Variants in PI4K2B observed in about 807,000 individuals in gnomAD.
PI4K2B encodes phosphatidylinositol 4-kinase type 2-beta.
Under a neutral mutation model 56.6 loss-of-function variants are expected in PI4K2B, and 46 were observed. The observed-to-expected ratio is 0.81, with a 90% CI of 0.64 to 1.04. PI4K2B has a LOEUF of 1.04. PI4K2B is among the 50% of genes least tolerant of loss of function. The pLI is 0.00. For missense variants in PI4K2B, 556 were observed against 607.7 expected, an observed-to-expected ratio of 0.91 and a Z score of 0.89; for synonymous variants, 211 against 223.8, an observed-to-expected ratio of 0.94 and a Z score of 0.51.
rs545459163 is a variant in PI4K2B, at chr4:25,241,081, A to G, written c.268+6650A>G. On this transcript the variant is annotated intron_variant, in intron 1 of 9. Transcript: ENST00000264864. ...TTTTTGCACTGCATGCAATAACTCT[A>G]TAATTTCCTTGTGGTATTTAGTGGG... 7.2e-5 allele frequency among the ~76,000 whole-genome samples: 11 copies of G among 152,356 alleles called. No homozygotes were observed. The South Asian group carries it at 2.3e-3, about 32-fold the overall frequency.
intron 1 of PI4K2B, among the ~76,000 whole-genome samples, chr4:25,239,552 A>G (rs13106585): frequency 0.028 from 1,702 of 61,326 alleles, 67 homozygotes; most frequent in East Asian, 0.2. Flanking sequence ...GCCCATGCCC[A>G]CCCGGAACTC....
chr4:25,236,882 A>G (rs1715283742), intron 1 of PI4K2B, among the ~76,000 whole-genome samples: 1 of 152,244 alleles, frequency 6.6e-6, no homozygotes. Flanking sequence ...TTTAAAGACT[A>G]AAATGTTCAT....
intron 9 of PI4K2B, among the ~76,000 whole-genome samples, chr4:25,274,995 G>A (rs537731872): frequency 5.3e-5 from 8 of 151,916 alleles, no homozygotes; most frequent in African/African-American, 1.9e-4. Context: ...GTAGAGATGG[G>A]GTTTCATCAT....
At chr4:25,234,495 G>T in intron 1 of PI4K2B, 64 bp downstream of exon 1, 3 of 1,133,502 alleles carry the variant, frequency 2.6e-6, no homozygotes, top group Non-Finnish European at 3.3e-6. Flanking sequence ...CGCCCGGCTC[G>T]GTCCTGTCTC....
chr4:25,258,618 AAG>A (rs1716345952), intron 4 of PI4K2B: 1 of 207,788 alleles, frequency 4.8e-6, no homozygotes, highest in Non-Finnish European at 8.4e-6. Context: ...ATGTCATAAA[AAG>A]AATCTGGAAA....
At chr4:25,236,257 A>G (rs910231229) in intron 1 of PI4K2B, among the ~76,000 whole-genome samples, 6 of 127,734 alleles carry the variant, frequency 4.7e-5, no homozygotes, top group African/African-American at 1.8e-4. Context: ...AAATAAATAA[A>G]TTTTATTCTC....
At chr4:25,271,477 G>A (rs979316952) in intron 9 of PI4K2B, among the ~76,000 whole-genome samples, 4 of 152,144 alleles carry the variant, frequency 2.6e-5, no homozygotes, top group African/African-American at 9.7e-5. Flanking sequence ...GGACAGTAGG[G>A]TACAGATTTG....
chr4:25,237,342 GTTTT>G (rs36107923), intron 1 of PI4K2B, among the ~76,000 whole-genome samples: 1 of 144,628 alleles, frequency 6.9e-6, no homozygotes, highest in Non-Finnish European at 1.5e-5. Context: ...TACTATTTTT[GTTTT>G]TTTTTTTTGT....
intron 9 of PI4K2B, among the ~76,000 whole-genome samples, chr4:25,272,886 A>C (rs1006649637): frequency 6.6e-6 from 1 of 152,044 alleles, no homozygotes; most frequent in East Asian, 1.9e-4. Context: ...AAATTTACCT[A>C]TATTCCAAAC....
chr4:25,240,825 C>T (rs1715485740), intron 1 of PI4K2B, among the ~76,000 whole-genome samples: 1 of 152,244 alleles, frequency 6.6e-6, no homozygotes, highest in Admixed American at 6.5e-5. Flanking sequence ...CTGACTCCTT[C>T]TCTTTGTCAC....
In PI4K2B at chr4:25,277,397, T is replaced by G. The variant is rs1018939782; in HGVS notation, c.*210T>G. On this transcript the variant is annotated 3_prime_UTR_variant, in exon 10 of 10. Coordinates refer to ENST00000264864, the MANE Select transcript of PI4K2B (RefSeq NM_018323.4). ...GGAAGAAGTGCTATATCTCCTATAT[T>G]GTATTTTTGTAGAAAATTTGTATTT... The G allele has an allele frequency of 9.9e-6, 4 of 405,162 alleles. No individual in the cohort carries two copies. Among genetic ancestry groups the G allele is most frequent in the Middle Eastern group, 6.8e-4 (1 of 1,460 alleles). 25.1% of individuals were successfully genotyped at this position (405,162 alleles called of 1,614,324 possible).
intron 9 of PI4K2B, 45 bp from the exon 10 acceptor site, chr4:25,276,969 C>A: frequency 1.4e-6 from 2 of 1,461,946 alleles, no homozygotes; most frequent in Non-Finnish European, 1.8e-6. Context: ...TGAAGTGAAG[C>A]TTTTTATCTT....
chr4:25,275,447 C>T (rs951978001), intron 9 of PI4K2B, among the ~76,000 whole-genome samples: 2 of 151,950 alleles, frequency 1.3e-5, no homozygotes, highest in Admixed American at 6.6e-5. Context: ...GTGGATCTCT[C>T]GAGCCTAGGA....
chr4:25,237,710 C>T (rs1036473597), intron 1 of PI4K2B, among the ~76,000 whole-genome samples: 3 of 152,138 alleles, frequency 2.0e-5, no homozygotes, highest in South Asian at 2.1e-4. Context: ...TGGTGGCTTA[C>T]GCCTGTAATC....
intron 1 of PI4K2B, among the ~76,000 whole-genome samples, chr4:25,249,930 A>G (rs939284716): frequency 6.6e-6 from 1 of 152,160 alleles, no homozygotes; most frequent in Non-Finnish European, 1.5e-5. Context: ...CCTGGGCAAC[A>G]CTGAGCACTG....
At chr4:25,256,027 T>G (rs1053162440) in intron 3 of PI4K2B, among the ~76,000 whole-genome samples, 1 of 152,190 alleles carries the variant, frequency 6.6e-6, no homozygotes, top group African/African-American at 2.4e-5. Context: ...CAGGTGATCC[T>G]CCCACCTCAG....
At chr4:25,252,187 A>C in intron 1 of PI4K2B, 134 bp from the exon 2 acceptor site, 1 of 260,404 alleles carries the variant, frequency 3.8e-6, no homozygotes, top group Non-Finnish European at 6.6e-6. Flanking sequence ...CAGTGGGGGG[A>C]AGGAGGATTA....
In PI4K2B at chr4:25,250,189, C is replaced by G. The variant is rs80251599; in HGVS notation, c.269-2132C>G. Among the ~76,000 whole-genome samples the G allele has an allele frequency of 0.015, 2,286 of 152,012 alleles. 133 individuals are homozygous for G. In the East Asian group the frequency reaches 0.18, roughly 12 times the overall value. The stretch of plus-strand genomic sequence containing the variant: ...CGGCAGTACAGTCCAACCTCGGCTC[C>G]GCATCAGAGGGAGACCGTGCAAAGA... On this transcript the variant is annotated intron_variant, in intron 1 of 9. Transcript: ENST00000264864.
At chr4:25,262,375 A>C (rs1483295696) in intron 6 of PI4K2B, among the ~76,000 whole-genome samples, 4 of 152,164 alleles carry the variant, frequency 2.6e-5, no homozygotes, top group African/African-American at 9.6e-5. Flanking sequence ...ATTAAATAAC[A>C]TAAGCTCCCC....
Sources: allele counts gnomAD v4.1 joint callset (sites outside exome capture counted in the v4.1 genomes callset), GRCh38; gene constraint gnomAD v4.1.1; transcripts MANE v1.5; gene names NCBI Gene and HGNC (gene_info 2026-07-23, HGNC 2026-07-21).